The following EIF2B3 variants were observed in gnomAD, a reference collection of about 807,000 sequenced individuals.
EIF2B3 encodes eukaryotic translation initiation factor 2B subunit gamma.
Under a neutral mutation model 54.1 loss-of-function variants are expected in EIF2B3, and 20 were observed. The ratio of observed to expected loss-of-function variants is 0.37; its 90% CI spans 0.26 to 0.54. EIF2B3 has a LOEUF of 0.54. Among genes scored for constraint, EIF2B3 ranks in the 20% least tolerant of loss-of-function variants. EIF2B3 has a pLI of 0.86. For synonymous variants in EIF2B3, 153 were observed against 188.1 expected, an observed-to-expected ratio of 0.81 and a Z score of 1.52; for missense variants, 448 against 547.8, an observed-to-expected ratio of 0.82 and a Z score of 1.82.
chr1:44,887,644 A>C (rs1369577056), intron 6 of EIF2B3, among the ~76,000 whole-genome samples: 1 of 152,234 alleles, frequency 6.6e-6, no homozygotes, highest in Non-Finnish European at 1.5e-5. Context: ...TTTTTATTTA[A>C]AGACTTTATG....
At chr1:44,922,133 C>G (rs2148929505) in intron 5 of EIF2B3, among the ~76,000 whole-genome samples, 1 of 151,338 alleles carries the variant, frequency 6.6e-6, no homozygotes, top group East Asian at 2.0e-4. Flanking sequence ...TCTCTGGTCT[C>G]TAACTCCTGA....
intron 5 of EIF2B3, among the ~76,000 whole-genome samples, chr1:44,921,322 T>C (rs532110643): frequency 6.6e-6 from 1 of 152,376 alleles, no homozygotes; most frequent in South Asian, 2.1e-4. Flanking sequence ...GCAAATATTT[T>C]CTCTCATTCT....
At chr1:44,946,455 T>G (rs78554187) in intron 3 of EIF2B3, among the ~76,000 whole-genome samples, 1 of 151,678 alleles carries the variant, frequency 6.6e-6, no homozygotes, top group Non-Finnish European at 1.5e-5. Context: ...TTTTTTTTTT[T>G]GAGACAGGGT....
At position 44,885,825 on chromosome 1, in the gene EIF2B3, C is replaced by T. The variant is rs1452718029; in HGVS notation, c.657-4086G>A. Among the ~76,000 whole-genome samples the T allele has an allele frequency of 2.0e-5, 3 of 151,908 alleles. No individual in the cohort carries two copies. The East Asian group carries it at 5.8e-4, about 29-fold the overall frequency. ...TCCTGGCTCACTGCAACCTCCGCCT[C>T]CCAGGTTCAAGTGATTCTCCTGCCT... is the stretch of plus-strand genomic sequence containing the variant. On this transcript the variant is annotated intron_variant, in intron 6 of 11. Transcript: ENST00000360403.
chr1:44,875,011 T>C (rs561461416), intron 9 of EIF2B3, among the ~76,000 whole-genome samples, 185 bp from the exon 10 acceptor site: 1 of 152,230 alleles, frequency 6.6e-6, no homozygotes, highest in East Asian at 1.9e-4. Flanking sequence ...TCAAACCTAT[T>C]TGAAGCATGG....
At chr1:44,958,483 G>C in intron 3 of EIF2B3, 1 of 814,766 alleles carries the variant, frequency 1.2e-6, no homozygotes, top group Non-Finnish European at 1.9e-6. Context: ...GTAAATCCTG[G>C]ATATACAGTA....
intron 6 of EIF2B3, among the ~76,000 whole-genome samples, chr1:44,887,674 C>G (rs1265970513): frequency 6.6e-6 from 1 of 152,124 alleles, no homozygotes; most frequent in Non-Finnish European, 1.5e-5. Context: ...CGCGATGGCT[C>G]ACATCTGTAA....
At chr1:44,915,697 T>C (rs976242118) in intron 5 of EIF2B3, among the ~76,000 whole-genome samples, 1 of 152,158 alleles carries the variant, frequency 6.6e-6, no homozygotes, top group Admixed American at 6.6e-5. Context: ...ACAATCATTA[T>C]AGACATTTCT....
Position 44,919,182 on chromosome 1 carries a change from T to C in EIF2B3, c.566+7446A>G, listed in dbSNP as rs369670147. Among the ~76,000 whole-genome samples the C allele has an allele frequency of 2.5e-4, 38 of 152,178 alleles. No individual in the cohort carries two copies. The South Asian group carries it at 7.9e-3, about 32-fold the overall frequency. On this transcript the variant is annotated intron_variant, in intron 5 of 11. Transcript: ENST00000360403. ...GGCCAACATGGTGAAACTCCATCTC[T>C]ATTAAAAATACAAAAAAATTAGCTG...
At chr1:44,942,039 CTT>C (rs1352565738) in intron 3 of EIF2B3, among the ~76,000 whole-genome samples, 1 of 151,924 alleles carries the variant, frequency 6.6e-6, no homozygotes, top group Non-Finnish European at 1.5e-5. Flanking sequence ...AGTTTGATGA[CTT>C]AATATGGCAA....
chr1:44,927,538 G>T (rs919957169), intron 4 of EIF2B3, among the ~76,000 whole-genome samples: 6 of 152,152 alleles, frequency 3.9e-5, no homozygotes, highest in African/African-American at 1.4e-4. Flanking sequence ...TTCAACAAGA[G>T]ATTTGGGGGA....
At chr1:44,925,449 G>A (rs1643832837) in intron 5 of EIF2B3, among the ~76,000 whole-genome samples, 1 of 152,074 alleles carries the variant, frequency 6.6e-6, no homozygotes, top group African/African-American at 2.4e-5. Context: ...GACCAATATT[G>A]TATGATTTCA....
Position 44,864,581 on chromosome 1 carries a change from A to G in EIF2B3, c.1203-6774T>C, listed in dbSNP as rs1401381235. Among the ~76,000 whole-genome samples, 8 of 152,172 alleles carry G rather than the reference A, an allele frequency of 5.3e-5. No individual in the cohort carries two copies. In the South Asian group the frequency reaches 1.0e-3, roughly 20 times the overall value. ...TGCCTCCAAAAAGAATTCTTTTAAC[A>G]ATTATGTACTTTTCTGCAACTCTAA... On this transcript the variant is annotated intron_variant, in intron 10 of 11. Coordinates refer to ENST00000360403, the MANE Select transcript of EIF2B3 (RefSeq NM_020365.5).
At chr1:44,911,967 T>C (rs1244352420) in intron 5 of EIF2B3, among the ~76,000 whole-genome samples, 1 of 151,058 alleles carries the variant, frequency 6.6e-6, no homozygotes, top group African/African-American at 2.4e-5. Context: ...TTTGGTTTTT[T>C]GTTCTTGCGA....
In EIF2B3 at chr1:44,941,490, C is replaced by T. The variant is rs1644020730; in HGVS notation, c.454+16G>A. ...ACGAAAACTCAACAAACAAAACAAA[C>T]TCCAATCTTCCTTACCTGCTTTTTT... On this transcript the variant is annotated intron_variant, in intron 4 of 11. Transcript: ENST00000360403. 6.3e-7 allele frequency: 1 copy of T among 1,590,666 alleles called. No individual in the cohort carries two copies. Among genetic ancestry groups the T allele is most frequent in the Non-Finnish European group, 8.5e-7 (1 of 1,171,496 alleles).
At chr1:44,877,033 T>C (rs1308073344) in intron 8 of EIF2B3, among the ~76,000 whole-genome samples, 2 of 150,298 alleles carry the variant, frequency 1.3e-5, no homozygotes, top group African/African-American at 5.0e-5. Context: ...TCCCTGATCT[T>C]AAGTACCCAG....
chr1:44,959,363 T>C (rs751524917), intron 3 of EIF2B3: 1 of 568,108 alleles, frequency 1.8e-6, no homozygotes, highest in Non-Finnish European at 3.2e-6. Context: ...AGCAGCAATT[T>C]CTAGCAGGGC....
At position 44,969,037 on chromosome 1, in the gene EIF2B3, A is replaced by G. The variant is rs139658312; in HGVS notation, c.294+9278T>C. 1.9e-3 allele frequency among the ~76,000 whole-genome samples: 291 copies of G among 152,320 alleles called. 2 individuals are homozygous for G. The highest frequency in any genetic ancestry group is 6.4e-3 in the African/African-American group (267 of 41,562). ...TATATGCGCCCTCCTTTAGGAATCT[A>G]TTAGAAATAAGCTTCAGACAAATGA... On this transcript the variant is annotated intron_variant, in intron 3 of 11. Transcript: ENST00000360403.
chr1:44,864,568 G>T (rs574064238), intron 10 of EIF2B3, among the ~76,000 whole-genome samples: 2 of 151,954 alleles, frequency 1.3e-5, no homozygotes, highest in Non-Finnish European at 2.9e-5. Flanking sequence ...CCTCCAAAAA[G>T]AATTCTTTTA....
Sources: gnomAD v4.1 joint callset for allele counts (sites outside exome capture counted in the v4.1 genomes callset) on GRCh38, gnomAD v4.1.1 for gene constraint, MANE v1.5 for transcripts, NCBI Gene and HGNC (gene_info 2026-07-23, HGNC 2026-07-21) for gene names.